Variants in HDAC5 observed in about 807,000 individuals in gnomAD.
HDAC5 encodes the protein histone deacetylase 5, also known as antigen NY-CO-9.
Under a neutral mutation model 133.3 loss-of-function variants are expected in HDAC5, and 25 were observed. That is an observed-to-expected ratio of 0.19 (90% CI 0.14 to 0.26). The LOEUF is 0.26. Among genes scored for constraint, HDAC5 ranks in the 10% least tolerant of loss-of-function variants. The pLI is 1.00. For synonymous variants in HDAC5, 589 were observed against 610.8 expected (o/e 0.96, Z 0.53); for missense variants, 1,041 against 1,460.5 (o/e 0.71, Z 4.68).
chr17:44,113,016 G>A (rs1169219090), intron 2 of HDAC5, among the ~76,000 whole-genome samples: 1 of 152,142 alleles, frequency 6.6e-6, no homozygotes, highest in Non-Finnish European at 1.5e-5. Context: ...CTCCATCAGT[G>A]GGGTGATGGG....
At chr17:44,108,877 C>G (rs1254982093) in intron 3 of HDAC5, among the ~76,000 whole-genome samples, 1 of 152,072 alleles carries the variant, frequency 6.6e-6, no homozygotes, top group Non-Finnish European at 1.5e-5. Context: ...AGCCCTCTCC[C>G]CGAGCCGCTG....
rs747855581 is a variant in HDAC5 at position 44,078,804 on chromosome 17, C to T, written c.3154G>A (p.Glu1052Lys). The T allele has an allele frequency of 4.3e-6, 7 of 1,614,020 alleles. No homozygotes were observed. The African/African-American group carries it at 5.3e-5, about 12-fold the overall frequency. Residue 1052 changes from glutamate to lysine, a missense_variant, in exon 25 of 27, where the codon GAG (glutamate) becomes AAG (lysine). By Grantham distance (56) the Glu-to-Lys change is moderately conservative. Coordinates refer to ENST00000682912, the MANE Select transcript of HDAC5 (RefSeq NM_005474.5). ...ACGTGTCCTCACGCACTCTGGATCT[C>T]GATGACTTTCTCTAGCGTGGCCACT... ...NAVATLEKVI[E>K]IQSKHWSCVQ...
rs1407955401 is a variant in HDAC5 at position 44,096,116 on chromosome 17, C to CACCACA, written c.95-2283_95-2282insTGTGGT. The stretch of plus-strand genomic sequence containing the variant: ...GGCAAACACCACACCAGCAGGGAGC[C>CACCACA]CCAAGCCCAGCCCAAGCCCCACAAA... On this transcript the variant is annotated intron_variant, in intron 3 of 26. Transcript: ENST00000682912. Among the ~76,000 whole-genome samples, 4 of 152,234 alleles carry CACCACA rather than the reference C, an allele frequency of 2.6e-5. No homozygotes were observed. In the East Asian group the frequency reaches 7.7e-4, roughly 29 times the overall value.
At chr17:44,118,065 G>C (rs2052759162) in intron 1 of HDAC5, among the ~76,000 whole-genome samples, 1 of 152,208 alleles carries the variant, frequency 6.6e-6, no homozygotes, top group Non-Finnish European at 1.5e-5. Context: ...TGTATCCATA[G>C]CAGTGGGGAG....
chr17:44,083,725 G>T, intron 17 of HDAC5, 73 bp from the exon 18 acceptor site: 1 of 1,578,568 alleles, frequency 6.3e-7, no homozygotes. Flanking sequence ...TGGACAGTGG[G>T]CCAGCGGCTG....
chr17:44,118,880 G>A (rs1346677474), intron 1 of HDAC5, among the ~76,000 whole-genome samples: 17 of 152,176 alleles, frequency 1.1e-4, no homozygotes, highest in Admixed American at 7.9e-4. Context: ...TTAATTCTCA[G>A]TAAGCCTTAC....
At chr17:44,088,739 A>AC in intron 11 of HDAC5, 141 bp from the exon 12 acceptor site, 1 of 1,211,354 alleles carries the variant, frequency 8.3e-7, no homozygotes, top group Non-Finnish European at 1.1e-6. Flanking sequence ...GACCTGAAGC[A>AC]CCCCCCACCC....
At chr17:44,088,251 G>A (rs1316816801) in intron 12 of HDAC5, 136 bp downstream of exon 12, 29 of 1,357,364 alleles carry the variant, frequency 2.1e-5, no homozygotes, top group Admixed American at 9.9e-5. Context: ...GACCTCAGGC[G>A]ATCTGCCCAC....
chr17:44,087,384 A>G (rs1180418127), intron 13 of HDAC5, 28 bp downstream of exon 13: 1 of 775,394 alleles, frequency 1.3e-6, no homozygotes, highest in Admixed American at 1.8e-5. Context: ...GGTGGTGACC[A>G]AGGACTGGGA....
rs778747306 is a variant in HDAC5 at position 44,091,770 on chromosome 17, G to A, written c.1094C>T (p.Thr365Met). 25 of 1,603,034 alleles carry A rather than the reference G, an allele frequency of 1.6e-5. 1 individual carries two copies. The highest frequency in any genetic ancestry group is 6.7e-5 in the South Asian group (6 of 89,396). ...DSSPNQFSLY[T>M]SPSLPNISLG... is the part of the protein sequence containing the mutation. The stretch of plus-strand genomic sequence containing the variant: ...GGAGATGTTGGGCAGAGAAGGAGAC[G>A]TGTAGAGGCTGAACTGGTTGGGGGA... Residue 365 changes from threonine to methionine, a missense_variant, in exon 10 of 27, where the codon ACG (threonine) becomes ATG (methionine). Physicochemically the swap from Thr to Met is moderately conservative, Grantham distance 81. Transcript: ENST00000682912.
At chr17:44,108,689 A>AT (rs1262236909) in intron 3 of HDAC5, among the ~76,000 whole-genome samples, 1 of 128,700 alleles carries the variant, frequency 7.8e-6, no homozygotes, top group Admixed American at 9.1e-5. Context: ...TCCGGGGTGG[A>AT]TTTTTTTTAA....
rs138472926 is a variant in HDAC5 at position 44,100,342 on chromosome 17, G to C, written c.95-6508C>G. Among the ~76,000 whole-genome samples, 758 of 152,122 alleles carry C rather than the reference G, an allele frequency of 5.0e-3. 6 individuals are homozygous for C. The highest frequency in any genetic ancestry group is 0.017 in the African/African-American group (720 of 41,456). ...GAAATGGGAACTATAGTTCCCCCTA[G>C]AGAAGCCCTGGGGGGAGGGAGCTGG... is the stretch of plus-strand genomic sequence containing the variant. On this transcript the variant is annotated intron_variant, in intron 3 of 26. Coordinates refer to ENST00000682912, the MANE Select transcript of HDAC5 (RefSeq NM_005474.5).
At chr17:44,096,862 C>T (rs1293928693) in intron 3 of HDAC5, among the ~76,000 whole-genome samples, 1 of 151,948 alleles carries the variant, frequency 6.6e-6, no homozygotes, top group African/African-American at 2.4e-5. Context: ...GCTGGGATTA[C>T]AGGCGCCCAC....
intron 2 of HDAC5, among the ~76,000 whole-genome samples, chr17:44,112,722 G>A (rs1259351308): frequency 6.6e-6 from 1 of 152,182 alleles, no homozygotes. Context: ...GGAGGATTAG[G>A]GGGACCACAC....
intron 3 of HDAC5, among the ~76,000 whole-genome samples, chr17:44,101,050 A>G (rs2051574840): frequency 6.7e-6 from 1 of 150,026 alleles, no homozygotes; most frequent in African/African-American, 2.4e-5. Flanking sequence ...CAGCCTCCCA[A>G]AGTGCTGGGA....
chr17:44,086,156 G>A (rs73308505), intron 14 of HDAC5, among the ~76,000 whole-genome samples: 4 of 152,140 alleles, frequency 2.6e-5, no homozygotes, highest in African/African-American at 7.2e-5. Context: ...TACTCTCCAC[G>A]GGTGATACAG....
chr17:44,109,780 A>G (rs1485267923), intron 3 of HDAC5, among the ~76,000 whole-genome samples: 1 of 152,242 alleles, frequency 6.6e-6, no homozygotes, highest in African/African-American at 2.4e-5. Flanking sequence ...AGGACTCCCC[A>G]TTCACACGCA....
chr17:44,079,950 G>T (rs187940808), intron 23 of HDAC5, among the ~76,000 whole-genome samples, 157 bp downstream of exon 23: 1 of 152,098 alleles, frequency 6.6e-6, no homozygotes, highest in Non-Finnish European at 1.5e-5. Flanking sequence ...GGTTGGCAGA[G>T]GACAAGTTGG....
intron 2 of HDAC5, among the ~76,000 whole-genome samples, chr17:44,112,173 A>G (rs1445576381): frequency 2.6e-5 from 4 of 152,096 alleles, no homozygotes; most frequent in African/African-American, 7.2e-5. Context: ...AACAGGTACA[A>G]TGACCCCTGT....
Sources: gnomAD v4.1 joint callset for allele counts (sites outside exome capture counted in the v4.1 genomes callset) on GRCh38, gnomAD v4.1.1 for gene constraint, MANE v1.5 for transcripts, NCBI Gene and HGNC (gene_info 2026-07-23, HGNC 2026-07-21) for gene names.